The following OSBP2 variants were observed in gnomAD, a reference collection of about 807,000 sequenced individuals.
OSBP2 encodes the protein oxysterol binding protein 2, also known as oxysterol-binding protein 2.
Under a neutral mutation model 96.0 loss-of-function variants are expected in OSBP2, and 66 were observed. The observed-to-expected ratio is 0.69, with a 90% CI of 0.56 to 0.84. The LOEUF is 0.84. Ranked by LOEUF, OSBP2 falls within the 40% of genes least tolerant of loss-of-function variation. OSBP2 has a pLI of 0.00. For synonymous variants in OSBP2, 525 were observed against 520.9 expected, an observed-to-expected ratio of 1.01 and a Z score of -0.11; for missense variants, 1,038 against 1,222.7, an observed-to-expected ratio of 0.85 and a Z score of 2.25.
chr22:30,842,986 G>A (rs576529084), intron 2 of OSBP2, among the ~76,000 whole-genome samples: 36 of 152,110 alleles, frequency 2.4e-4, no homozygotes, highest in East Asian at 1.5e-3. Context: ...GTTTCACCAC[G>A]TTGGCCAGGC....
chr22:30,742,128 T>A (rs2089946774), intron 2 of OSBP2, among the ~76,000 whole-genome samples: 1 of 151,810 alleles, frequency 6.6e-6, no homozygotes, highest in Non-Finnish European at 1.5e-5. Context: ...CCAATAAATT[T>A]ATTTTTTAAA....
intron 2 of OSBP2, chr22:30,822,851 G>C (rs1490326350): frequency 2.9e-6 from 2 of 686,352 alleles, no homozygotes; most frequent in Non-Finnish European, 2.2e-6. Flanking sequence ...GGGAGCCTCG[G>C]GGAACCCCTG....
intron 1 of OSBP2, among the ~76,000 whole-genome samples, chr22:30,725,412 G>A (rs2089629575): frequency 6.6e-6 from 1 of 151,946 alleles, no homozygotes; most frequent in South Asian, 2.1e-4. Flanking sequence ...TCGGGAGGCT[G>A]AAGCATGAGA....
chr22:30,694,790 G>A (rs1427008029), upstream of OSBP2: 6 of 589,154 alleles, frequency 1.0e-5, no homozygotes, highest in Non-Finnish European at 1.3e-5. Context: ...ACGGGACCGC[G>A]GAGGAACCCG....
chr22:30,694,810 C>T (rs1350690969), upstream of OSBP2: 22 of 555,086 alleles, frequency 4.0e-5, no homozygotes, highest in Non-Finnish European at 4.8e-5. Context: ...GCGCGCGCCC[C>T]CGCCTCGCGC....
Position 30,870,717 on chromosome 22 carries a change from T to C in OSBP2, c.1107+35T>C. ...CACCCCCACCGCCCTGGCACGGGGCTCCCTGGCTCCAGCCCCGGGGTCCCT... is the reference window on the plus strand; with the variant it reads ...CACCCCCACCGCCCTGGCACGGGGCCCCCTGGCTCCAGCCCCGGGGTCCCT... On this transcript the variant is annotated intron_variant, in intron 3 of 13. Transcript: ENST00000332585. The surrounding 1 kb of genome is among the most constrained non-coding windows in gnomAD (Gnocchi z 4.1). 1.3e-6 allele frequency: 2 copies of C among 1,599,688 alleles called. No individual in the cohort carries two copies. Among genetic ancestry groups the C allele is most frequent in the African/African-American group, 2.7e-5 (2 of 74,772 alleles).
At chr22:30,869,873 C>T (rs1215895665) in intron 2 of OSBP2, among the ~76,000 whole-genome samples, 9 of 152,096 alleles carry the variant, frequency 5.9e-5, no homozygotes, top group Non-Finnish European at 1.3e-4. Flanking sequence ...GCGGGAAAGG[C>T]CCCAAACAGG....
intron 2 of OSBP2, among the ~76,000 whole-genome samples, chr22:30,746,244 C>A (rs1002390201): frequency 3.9e-5 from 6 of 151,992 alleles, no homozygotes; most frequent in Non-Finnish European, 5.9e-5. Flanking sequence ...CATAGTGAGA[C>A]CCTTTCTTTA....
Position 30,695,289 on chromosome 22 carries a change from T to A in OSBP2, c.380T>A (p.Leu127His). The A allele has an allele frequency of 1.2e-6, 2 of 1,613,360 alleles. No homozygotes were observed. Among genetic ancestry groups the A allele is most frequent in the Non-Finnish European group, 1.7e-6 (2 of 1,179,998 alleles). Reference protein sequence around the residue: ...GPFTKAASEPLSRAVGSATFL... With the variant: ...GPFTKAASEPHSRAVGSATFL... ...TTCACTAAGGCCGCATCGGAGCCGC[T>A]CTCCCGGGCGGTGGGGAGCGCGACC... Residue 127 changes from leucine (L) to histidine (H), a missense_variant, in exon 1 of 14, where the codon CTC (leucine) becomes CAC (histidine). Coordinates refer to ENST00000332585, the MANE Select transcript of OSBP2 (RefSeq NM_030758.4).
chr22:30,881,939 C>A lies in OSBP2; in HGVS notation c.1108-5487C>A. On this transcript the variant is annotated intron_variant, in intron 3 of 13. Coordinates refer to ENST00000332585, the MANE Select transcript of OSBP2 (RefSeq NM_030758.4). This position sits in a 1 kb window ranked among gnomAD's most constrained non-coding sequence, Gnocchi z 4.5. Reference sequence around the variant, plus strand: ...TGATATTAGGGCACAGCAGTTTTCACCCTGCCCCGCTTTTAGGTGACTGTG... The same window carrying A: ...TGATATTAGGGCACAGCAGTTTTCAACCTGCCCCGCTTTTAGGTGACTGTG... 1.4e-6 allele frequency: 1 copy of A among 693,256 alleles called. No individual in the cohort carries two copies. Among genetic ancestry groups the A allele is most frequent in the Non-Finnish European group, 2.1e-6 (1 of 469,012 alleles). 42.9% of individuals were successfully genotyped at this position (693,256 alleles called of 1,614,324 possible). A position where few individuals can be genotyped will look rare whatever the true frequency, so the allele number is the denominator to read the frequency against.
intron 2 of OSBP2, among the ~76,000 whole-genome samples, chr22:30,744,236 G>A (rs1602205124): frequency 6.6e-6 from 1 of 152,194 alleles, no homozygotes; most frequent in East Asian, 1.9e-4. Context: ...TGATGTGAGA[G>A]AGTTGTGGTT....
At chr22:30,694,324 G>A, upstream of OSBP2, 2 of 1,547,750 alleles carry the variant, frequency 1.3e-6, no homozygotes, top group Non-Finnish European at 8.7e-7. Context: ...TCTGGCGGCC[G>A]CAGGAGCGAC....
intron 2 of OSBP2, among the ~76,000 whole-genome samples, chr22:30,833,816 T>C (rs925683842): frequency 6.6e-6 from 1 of 152,228 alleles, no homozygotes; most frequent in Admixed American, 6.5e-5. Flanking sequence ...GTGTTGCACC[T>C]AAACCATGGT....
chr22:30,905,730 G>A lies in OSBP2; in HGVS notation c.2376-107G>A, dbSNP rs1042870380. On this transcript the variant is annotated intron_variant, in intron 12 of 13. Transcript: ENST00000332585. The stretch of plus-strand genomic sequence containing the variant: ...GGAGTCCTGGACGCGGGGAGCTGGA[G>A]GGTGAGGCGACCCGGGAGGAGACAC... 2.6e-5 allele frequency: 37 copies of A among 1,407,988 alleles called. No homozygotes were observed. In the Admixed American group the frequency reaches 3.1e-4, roughly 12 times the overall value. The allele number at this position is 1,407,988 out of a possible 1,614,324, so 87.2% of individuals were successfully genotyped here.
At chr22:30,823,968 T>G (rs2038340967) in intron 2 of OSBP2, among the ~76,000 whole-genome samples, 1 of 152,226 alleles carries the variant, frequency 6.6e-6, no homozygotes, top group African/African-American at 2.4e-5. Flanking sequence ...TGGAGTTAGT[T>G]TTAAAAAGAA....
Position 30,893,211 on chromosome 22 carries a change from C to T in OSBP2, c.1959C>T (p.Phe653=), listed in dbSNP as rs747594477. 6.2e-7 allele frequency: 1 copy of T among 1,614,118 alleles called. No individual in the cohort carries two copies. Among genetic ancestry groups the T allele is most frequent in the South Asian group, 1.1e-5 (1 of 91,078 alleles). Residue 653 remains phenylalanine (F), a synonymous_variant, in exon 9 of 14, where the codon TTC becomes TTT. Transcript: ENST00000332585. Reference sequence around the variant, plus strand: ...AGGAGATCACCATCTCCAGCAAGTTCCGGGGAAAATACATCTCCATCATGC... The same window carrying T: ...AGGAGATCACCATCTCCAGCAAGTTTCGGGGAAAATACATCTCCATCATGC... The part of the protein sequence containing the change: ...LWQEITISSK[F]RGKYISIMPL...
chr22:30,889,701 G>T, intron 7 of OSBP2, 65 bp downstream of exon 7: 1 of 1,473,928 alleles, frequency 6.8e-7, no homozygotes, highest in Admixed American at 1.7e-5. Context: ...GCGTGGATGA[G>T]CAGTAATGGC....
chr22:30,836,741 C>T (rs1482401436), intron 2 of OSBP2, among the ~76,000 whole-genome samples: 1 of 152,082 alleles, frequency 6.6e-6, no homozygotes, highest in Non-Finnish European at 1.5e-5. Flanking sequence ...GGTCAGCAGA[C>T]ACAGCAGGCA....
Position 30,849,956 on chromosome 22 carries a change from T to G in OSBP2, c.854-20473T>G, listed in dbSNP as rs546342333. ...TATATTTAGTTGTTCAAGTACTATTTTTTTTAAATGAAGCTTCTCCTTCAT... is the reference window on the plus strand; with the variant it reads ...TATATTTAGTTGTTCAAGTACTATTGTTTTTAAATGAAGCTTCTCCTTCAT... On this transcript the variant is annotated intron_variant, in intron 2 of 13. Coordinates refer to ENST00000332585, the MANE Select transcript of OSBP2 (RefSeq NM_030758.4). Among the ~76,000 whole-genome samples the G allele has an allele frequency of 9.4e-4, 143 of 152,346 alleles. 3 individuals are homozygous for G. In the South Asian group the frequency reaches 0.017, roughly 18 times the overall value.
Sources: gnomAD v4.1 joint callset for allele counts (sites outside exome capture counted in the v4.1 genomes callset) on GRCh38, gnomAD v4.1.1 for gene constraint, Gnocchi (gnomAD v3.1) non-coding constraint, MANE v1.5 for transcripts, NCBI Gene and HGNC (gene_info 2026-07-23, HGNC 2026-07-21) for gene names.